The following RAPGEF6 variants were observed in gnomAD, a reference collection of about 807,000 sequenced individuals.
RAPGEF6 encodes PDZ domain containing guanine nucleotide exchange factor (GEF) 2.
In RAPGEF6, 56 loss-of-function variants were observed where a neutral mutation model predicts 171.4. That is an observed-to-expected ratio of 0.33 (90% CI 0.26 to 0.41). The LOEUF (loss-of-function observed/expected upper bound fraction) is 0.41. Ranked by LOEUF, RAPGEF6 falls within the 10% of genes least tolerant of loss-of-function variation. RAPGEF6 has a pLI of 1.00. For missense variants in RAPGEF6, 1,674 were observed against 1,921.4 expected (o/e 0.87, Z 2.41); for synonymous variants, 692 against 650.1 (o/e 1.06, Z -0.98).
intron 22 of RAPGEF6, among the ~76,000 whole-genome samples, chr5:131,444,866 T>C (rs961012895): frequency 6.6e-6 from 1 of 152,192 alleles, no homozygotes; most frequent in South Asian, 2.1e-4. Context: ...TTAATAAATA[T>C]GTACATGGCT....
At chr5:131,487,084 A>C (rs1339593866) in intron 15 of RAPGEF6, among the ~76,000 whole-genome samples, 3 of 151,950 alleles carry the variant, frequency 2.0e-5, no homozygotes, top group Non-Finnish European at 4.4e-5. Flanking sequence ...AAGAATGAAG[A>C]TGCAGACCTT....
intron 1 of RAPGEF6, among the ~76,000 whole-genome samples, chr5:131,615,240 A>G (rs2150027867): frequency 6.6e-6 from 1 of 152,372 alleles, no homozygotes; most frequent in East Asian, 1.9e-4. Flanking sequence ...GAGGGTCACA[A>G]GAATGCTAAG....
At chr5:131,437,438 C>A (rs1561463420) in intron 24 of RAPGEF6, among the ~76,000 whole-genome samples, 1 of 152,172 alleles carries the variant, frequency 6.6e-6, no homozygotes, top group Non-Finnish European at 1.5e-5. Context: ...CAGCCTCTAA[C>A]AGGGGTAAGG....
intron 6 of RAPGEF6, among the ~76,000 whole-genome samples, chr5:131,541,780 T>C (rs768537804): frequency 6.6e-6 from 1 of 152,234 alleles, no homozygotes; most frequent in African/African-American, 2.4e-5. Flanking sequence ...TTATGAAATA[T>C]ACACAAAATC....
chr5:131,466,396 T>A (rs935469884), intron 17 of RAPGEF6, among the ~76,000 whole-genome samples: 6 of 152,158 alleles, frequency 3.9e-5, no homozygotes, highest in African/African-American at 1.4e-4. Context: ...CTACAAGACT[T>A]AAGGTCAGAC....
chr5:131,455,962 A>G lies in RAPGEF6; in HGVS notation c.2915T>C (p.Leu972Ser), dbSNP rs1753463491. The change falls in exon 20 of 28, where the codon TTA (leucine) becomes TCA (serine). Residue 972 changes from leucine to serine, a missense_variant. Physicochemically the swap from Leu to Ser is moderately radical, Grantham distance 145. Around this residue, in one of 3 missense-constraint regions of RAPGEF6, gnomAD observed 1,116 missense variants for 1,321.5 expected, o/e 0.84. Coordinates refer to ENST00000509018, the MANE Select transcript of RAPGEF6 (RefSeq NM_016340.6). Reference protein sequence around the residue: ...VARLRGTWEKLPSKYEKHLQD... With the variant: ...VARLRGTWEKSPSKYEKHLQD... ...AAGATGTTTCTCGTATTTGCTTGGT[A>G]ACTTTTCCCAAGTTCCTCTGAGTCT... is the stretch of plus-strand genomic sequence containing the variant. The G allele has an allele frequency of 6.2e-7, 1 of 1,614,002 alleles. No homozygotes were observed. The highest frequency in any genetic ancestry group is 1.7e-5 in the Admixed American group (1 of 59,998).
At chr5:131,572,770 T>G (rs1762381627) in intron 4 of RAPGEF6, among the ~76,000 whole-genome samples, 1 of 152,166 alleles carries the variant, frequency 6.6e-6, no homozygotes. Context: ...TTAGCCTGTG[T>G]TCTTAAAAAC....
intron 21 of RAPGEF6, among the ~76,000 whole-genome samples, chr5:131,449,155 C>G (rs897861152): frequency 1.3e-5 from 2 of 152,274 alleles, no homozygotes; most frequent in East Asian, 1.9e-4. Context: ...CAAAAGTCAT[C>G]TCTTTCTTCA....
rs999528947 is a variant in RAPGEF6, at chr5:131,630,049, T to A, written c.69+4913A>T. Among the ~76,000 whole-genome samples, 6 of 152,314 alleles carry A rather than the reference T, an allele frequency of 3.9e-5. No homozygotes were observed. The South Asian group carries it at 8.3e-4, about 21-fold the overall frequency. ...CAATTTTGAAAGAAGTTACTGTAGG[T>A]AAAATGCTATCAAACAGCATCACAT... On this transcript the variant is annotated intron_variant, in intron 1 of 27. Coordinates refer to ENST00000509018, the MANE Select transcript of RAPGEF6 (RefSeq NM_016340.6).
chr5:131,508,856 TAA>T (rs543914100), intron 8 of RAPGEF6, among the ~76,000 whole-genome samples: 15 of 152,198 alleles, frequency 9.9e-5, no homozygotes, highest in Non-Finnish European at 1.9e-4. Flanking sequence ...TTTCAATTTT[TAA>T]AAAGTTTTAT....
intron 22 of RAPGEF6, among the ~76,000 whole-genome samples, chr5:131,442,763 T>C (rs1457147372): frequency 6.6e-6 from 1 of 152,230 alleles, no homozygotes; most frequent in Admixed American, 6.5e-5. Flanking sequence ...GAATAAGTTG[T>C]TAATTTTATC....
chr5:131,631,517 C>T (rs988373901), intron 1 of RAPGEF6, among the ~76,000 whole-genome samples: 3 of 152,220 alleles, frequency 2.0e-5, no homozygotes, highest in African/African-American at 7.2e-5. Flanking sequence ...CTTCTCACCA[C>T]TTCCATTACT....
At chr5:131,621,147 C>T (rs931007593) in intron 1 of RAPGEF6, among the ~76,000 whole-genome samples, 1 of 152,162 alleles carries the variant, frequency 6.6e-6, no homozygotes, top group African/African-American at 2.4e-5. Flanking sequence ...ACTTAAATTT[C>T]TATATATAGT....
At position 131,456,908 on chromosome 5, in the gene RAPGEF6, C is replaced by T. The variant is rs145437948; in HGVS notation, c.2865-896G>A. On this transcript the variant is annotated intron_variant, in intron 19 of 27. Transcript: ENST00000509018. ...AACTAAGATAACAAACTCCTCAACA[C>T]ACTAGAAAGGTTGTCAAAAAATAGT... Among the ~76,000 whole-genome samples, 814 of 152,300 alleles carry T rather than the reference C, an allele frequency of 5.3e-3. 8 individuals are homozygous for T. Among genetic ancestry groups the T allele is most frequent in the African/African-American group, 0.019 (794 of 41,560 alleles).
intron 5 of RAPGEF6, among the ~76,000 whole-genome samples, chr5:131,554,641 T>A (rs1339470130): frequency 6.6e-6 from 1 of 152,178 alleles, no homozygotes; most frequent in Non-Finnish European, 1.5e-5. Flanking sequence ...AGCCTCAGCC[T>A]CCCAAGTAGC....
Position 131,460,577 on chromosome 5 carries a change from C to T in RAPGEF6, c.2864+1128G>A, listed in dbSNP as rs1753851245. On this transcript the variant is annotated intron_variant, in intron 19 of 27. Transcript: ENST00000509018. ...GGCATCTTTATTCCTCTGTTTTAGA[C>T]TTAGCTGTTTAAAAACTGTGATATA... Among the ~76,000 whole-genome samples, 3 of 152,136 alleles carry T rather than the reference C, an allele frequency of 2.0e-5. No homozygotes were observed. The South Asian group carries it at 6.2e-4, about 31-fold the overall frequency.
intron 16 of RAPGEF6, among the ~76,000 whole-genome samples, chr5:131,474,041 T>C (rs1366975945): frequency 6.6e-6 from 1 of 152,238 alleles, no homozygotes; most frequent in Non-Finnish European, 1.5e-5. Context: ...TTTGGTTTTC[T>C]CATCTGTAAA....
intron 15 of RAPGEF6, among the ~76,000 whole-genome samples, chr5:131,489,297 T>C (rs569266585): frequency 1.1e-4 from 17 of 152,314 alleles, no homozygotes; most frequent in African/African-American, 4.1e-4. Flanking sequence ...ACACGCTCCA[T>C]AGGAATTTCA....
chr5:131,587,527 AT>A (rs1763323612), intron 4 of RAPGEF6, among the ~76,000 whole-genome samples: 1 of 152,232 alleles, frequency 6.6e-6, no homozygotes, highest in Non-Finnish European at 1.5e-5. Flanking sequence ...TAACATGTAG[AT>A]TTATGTTATC....
Sources: allele counts gnomAD v4.1 joint callset (sites outside exome capture counted in the v4.1 genomes callset), GRCh38; gene constraint gnomAD v4.1.1; regional missense constraint gnomAD v4.1.1; transcripts MANE v1.5; gene names NCBI Gene and HGNC (gene_info 2026-07-23, HGNC 2026-07-21).